Variants in MSRA observed in about 807,000 individuals in gnomAD.
The protein encoded by MSRA is methionine sulfoxide reductase A, also known as mitochondrial peptide methionine sulfoxide reductase.
MSRA carries 54 observed loss-of-function variants against 31.3 expected under a neutral mutation model. The observed-to-expected ratio is 1.73, with a 90% CI of 1.39 to 2.17. The LOEUF is 2.17. Ranked by LOEUF, MSRA falls within the 30% of genes most tolerant of loss-of-function variation. The pLI is 0.00. For missense variants in MSRA, 507 were observed against 300.9 expected (o/e 1.69, Z -5.07); for synonymous variants, 169 against 116.5 (o/e 1.45, Z -2.90).
intron 2 of MSRA, among the ~76,000 whole-genome samples, chr8:10,208,524 T>G (rs2129060390): frequency 6.6e-6 from 1 of 152,296 alleles, no homozygotes; most frequent in South Asian, 2.1e-4. Flanking sequence ...TAAACTTCCT[T>G]CAGAATATCT....
At chr8:10,366,931 T>C (rs1206926348) in intron 5 of MSRA, among the ~76,000 whole-genome samples, 3 of 152,342 alleles carry the variant, frequency 2.0e-5, no homozygotes, top group Middle Eastern at 3.4e-3. Flanking sequence ...GATATTGTTG[T>C]GTTCCGGTTG....
At chr8:10,155,015 G>T (rs1432097182) in intron 1 of MSRA, among the ~76,000 whole-genome samples, 64 of 106,180 alleles carry the variant, frequency 6.0e-4, no homozygotes, top group African/African-American at 1.8e-3. Context: ...TATATATATA[G>T]GTTTTACCTT....
chr8:10,054,516 C>T lies in MSRA; in HGVS notation c.-1C>T, dbSNP rs372079184. 2.5e-6 allele frequency: 4 copies of T among 1,579,638 alleles called. No individual in the cohort carries two copies. In the African/African-American group the frequency reaches 5.6e-5, roughly 22 times the overall value. On this transcript the variant is annotated 5_prime_UTR_variant, in exon 1 of 6. Coordinates refer to ENST00000317173, the MANE Select transcript of MSRA (RefSeq NM_012331.5). ...GACCACCCTTCGGCTGGCGCCCTCC[C>T]ATGCTCTCGGCCACCCGGAGGGCTT... is the stretch of plus-strand genomic sequence containing the variant.
At chr8:10,242,449 C>A (rs142824457) in intron 2 of MSRA, among the ~76,000 whole-genome samples, 2 of 152,088 alleles carry the variant, frequency 1.3e-5, no homozygotes, top group African/African-American at 4.8e-5. Flanking sequence ...GTGTAGCACA[C>A]AGGGAGGCAT....
At chr8:10,150,528 T>C (rs1803572069) in intron 1 of MSRA, among the ~76,000 whole-genome samples, 1 of 152,210 alleles carries the variant, frequency 6.6e-6, no homozygotes, top group African/African-American at 2.4e-5. Context: ...ATCAACGGCT[T>C]ACTACACGAT....
chr8:10,342,187 T>G (rs144365668), intron 5 of MSRA, among the ~76,000 whole-genome samples: 1 of 152,234 alleles, frequency 6.6e-6, no homozygotes, highest in Non-Finnish European at 1.5e-5. Flanking sequence ...TTTGTTTCCA[T>G]GGGTCTCACA....
rs530678780 is a variant in MSRA at position 10,083,423 on chromosome 8, T to C, written c.142+28765T>C. ...TATCTTAAGAGAAATTTAATCCATC[T>C]GATTTTGATCCAAATATAATTTACT... On this transcript the variant is annotated intron_variant, in intron 1 of 5. Coordinates refer to ENST00000317173, the MANE Select transcript of MSRA (RefSeq NM_012331.5). Among the ~76,000 whole-genome samples the C allele has an allele frequency of 5.5e-4, 84 of 152,370 alleles. 2 individuals carry two copies. The South Asian group carries it at 0.017, about 32-fold the overall frequency.
chr8:10,105,784 T>G (rs1195525435), intron 1 of MSRA, among the ~76,000 whole-genome samples: 1 of 152,222 alleles, frequency 6.6e-6, no homozygotes, highest in Non-Finnish European at 1.5e-5. Context: ...TGTGTATCTT[T>G]TGTTGTGCAA....
At chr8:10,403,321 C>G (rs145471708) in intron 5 of MSRA, among the ~76,000 whole-genome samples, 5 of 152,156 alleles carry the variant, frequency 3.3e-5, no homozygotes, top group African/African-American at 9.7e-5. Context: ...ACCCAGCCAA[C>G]GAGAAAAAGC....
intron 5 of MSRA, among the ~76,000 whole-genome samples, chr8:10,366,098 T>G (rs554105351): frequency 6.6e-6 from 1 of 152,332 alleles, no homozygotes; most frequent in South Asian, 2.1e-4. Flanking sequence ...TTACTGGTCT[T>G]GTGGCCTGTC....
chr8:10,285,758 C>T (rs141386761), intron 3 of MSRA, among the ~76,000 whole-genome samples: 56 of 152,088 alleles, frequency 3.7e-4, no homozygotes, highest in African/African-American at 1.3e-3. Context: ...TCTTCCTATG[C>T]CTGGATTGTT....
At chr8:10,073,932 C>T (rs1455435391) in intron 1 of MSRA, among the ~76,000 whole-genome samples, 1 of 151,734 alleles carries the variant, frequency 6.6e-6, no homozygotes, top group Non-Finnish European at 1.5e-5. Flanking sequence ...TGCTGTGTTT[C>T]CTTATGATGG....
intron 4 of MSRA, among the ~76,000 whole-genome samples, chr8:10,318,563 G>T (rs1033132660): frequency 6.6e-6 from 1 of 152,194 alleles, no homozygotes; most frequent in South Asian, 2.1e-4. Context: ...ACATTTTTCT[G>T]TCCTATCTCA....
intron 3 of MSRA, among the ~76,000 whole-genome samples, chr8:10,267,085 C>A (rs910296935): frequency 6.6e-6 from 1 of 152,154 alleles, no homozygotes; most frequent in Non-Finnish European, 1.5e-5. Flanking sequence ...CCCTTTAATG[C>A]GAACCAACAT....
intron 3 of MSRA, among the ~76,000 whole-genome samples, chr8:10,257,288 T>C (rs1798234134): frequency 1.3e-5 from 2 of 152,170 alleles, no homozygotes; most frequent in African/African-American, 4.8e-5. Context: ...AACAGTGTAA[T>C]TAAATGTGGA....
At chr8:10,331,218 T>G (rs1008742853) in intron 5 of MSRA, among the ~76,000 whole-genome samples, 2 of 152,206 alleles carry the variant, frequency 1.3e-5, no homozygotes, top group Admixed American at 1.3e-4. Flanking sequence ...TACTTTGTTA[T>G]GGCAGCCCGA....
chr8:10,131,171 C>G (rs546601556), intron 1 of MSRA, among the ~76,000 whole-genome samples: 1 of 152,190 alleles, frequency 6.6e-6, no homozygotes, highest in Non-Finnish European at 1.5e-5. Context: ...AAGGGGAATC[C>G]TCTGTGGATT....
Position 10,395,491 on chromosome 8 carries a change from G to T in MSRA, c.544-32657G>T, listed in dbSNP as rs952743027. ...TATTTTTGAGCAGGAGAATGACATGGCCACAGATGTATTTTAGAAAAATCA... is the reference window on the plus strand; with the variant it reads ...TATTTTTGAGCAGGAGAATGACATGTCCACAGATGTATTTTAGAAAAATCA... On this transcript the variant is annotated intron_variant, in intron 5 of 5. Coordinates refer to ENST00000317173, the MANE Select transcript of MSRA (RefSeq NM_012331.5). 4.6e-5 allele frequency among the ~76,000 whole-genome samples: 7 copies of T among 152,254 alleles called. No individual in the cohort carries two copies. The East Asian group carries it at 7.7e-4, about 17-fold the overall frequency.
intron 5 of MSRA, among the ~76,000 whole-genome samples, chr8:10,340,759 G>A (rs1054890915): frequency 4.6e-5 from 7 of 152,226 alleles, no homozygotes; most frequent in Admixed American, 1.3e-4. Context: ...AAGTACCTCC[G>A]TATTCAAGGG....
Sources: allele counts gnomAD v4.1 joint callset (sites outside exome capture counted in the v4.1 genomes callset), GRCh38; gene constraint gnomAD v4.1.1; transcripts MANE v1.5; gene names NCBI Gene and HGNC (gene_info 2026-07-23, HGNC 2026-07-21).